Variants in HPSE2 observed in about 807,000 individuals in gnomAD.
HPSE2 encodes the protein inactive heparanase-2.
Under a neutral mutation model 60.5 loss-of-function variants are expected in HPSE2, and 38 were observed. That is an observed-to-expected ratio of 0.63 (90% confidence interval 0.48 to 0.82). The LOEUF (loss-of-function observed/expected upper bound fraction) is 0.82. HPSE2 is among the 40% of genes least tolerant of loss of function. The pLI is 0.00. For missense variants in HPSE2, 713 were observed against 740.4 expected, an observed-to-expected ratio of 0.96 and a Z score of 0.43; for synonymous variants, 295 against 293.2, an observed-to-expected ratio of 1.01 and a Z score of -0.06.
chr10:98,528,439 C>T (rs1448579050), intron 9 of HPSE2, among the ~76,000 whole-genome samples: 7 of 152,078 alleles, frequency 4.6e-5, no homozygotes, highest in Middle Eastern at 6.8e-3. Context: ...AGGGCATTTC[C>T]GGAGGCAGAG....
chr10:99,184,817 TATAGAGAGAGAGAGAGAGAGAGAG>T (rs1400658906), intron 2 of HPSE2, among the ~76,000 whole-genome samples: 95 of 17,192 alleles, frequency 5.5e-3, no homozygotes, highest in Admixed American at 0.013. Context: ...TATATATATA[TATAGAGAGAGAGAGAGAGAGAGAG>T]AGAGAGAGAG....
intron 9 of HPSE2, among the ~76,000 whole-genome samples, chr10:98,580,442 CTT>C (rs1225799343): frequency 1.3e-5 from 2 of 151,878 alleles, no homozygotes; most frequent in Non-Finnish European, 2.9e-5. Context: ...TATTTTGTAT[CTT>C]TTTGTTTTTC....
chr10:98,914,905 T>C (rs554509125), intron 3 of HPSE2, among the ~76,000 whole-genome samples: 2 of 151,048 alleles, frequency 1.3e-5, no homozygotes, highest in African/African-American at 4.9e-5. Flanking sequence ...ATGACAAAGA[T>C]CAATTTAAGA....
intron 9 of HPSE2, among the ~76,000 whole-genome samples, chr10:98,547,620 A>T (rs1943728147): frequency 7.8e-6 from 1 of 128,922 alleles, no homozygotes; most frequent in African/African-American, 2.9e-5. Flanking sequence ...ACACATGGAC[A>T]CAGGAAGGGG....
At chr10:98,790,073 G>A (rs1322392932) in intron 3 of HPSE2, among the ~76,000 whole-genome samples, 3 of 152,064 alleles carry the variant, frequency 2.0e-5, no homozygotes, top group Non-Finnish European at 2.9e-5. Flanking sequence ...GAAAGTCAGA[G>A]AATGATCCAT....
intron 3 of HPSE2, among the ~76,000 whole-genome samples, chr10:98,905,150 A>C (rs1953775227): frequency 6.6e-6 from 1 of 151,956 alleles, no homozygotes; most frequent in South Asian, 2.1e-4. Context: ...GATTACTAAC[A>C]AGTACTTCTT....
chr10:99,281,207 AT>A, the HPSE2 span, among the ~76,000 whole-genome samples: 1 of 149,018 alleles, frequency 6.7e-6, no homozygotes, highest in Non-Finnish European at 1.5e-5. Flanking sequence ...ATTACATCTT[AT>A]TAATTTTAAG....
intron 9 of HPSE2, among the ~76,000 whole-genome samples, chr10:98,498,676 C>G (rs1490744469): frequency 6.6e-6 from 1 of 152,062 alleles, no homozygotes; most frequent in Non-Finnish European, 1.5e-5. Flanking sequence ...AAAAAGAATT[C>G]AGGAGGTTAG....
At chr10:98,518,549 T>C (rs1564934669) in intron 9 of HPSE2, among the ~76,000 whole-genome samples, 2 of 150,828 alleles carry the variant, frequency 1.3e-5, no homozygotes, top group South Asian at 2.1e-4. Context: ...CTACTAAAAA[T>C]GAAAAAAAAT....
intron 3 of HPSE2, among the ~76,000 whole-genome samples, chr10:98,827,767 A>C (rs1228943764): frequency 6.6e-6 from 1 of 152,240 alleles, no homozygotes; most frequent in Non-Finnish European, 1.5e-5. Flanking sequence ...GGTGTCACCA[A>C]GGCACATATC....
At chr10:98,958,437 T>A (rs1024889607) in intron 3 of HPSE2, among the ~76,000 whole-genome samples, 1 of 152,206 alleles carries the variant, frequency 6.6e-6, no homozygotes, top group Admixed American at 6.6e-5. Context: ...AAAGTTGAAC[T>A]TTGATTAAAT....
chr10:98,915,267 C>T (rs1336917769), intron 3 of HPSE2, among the ~76,000 whole-genome samples: 1 of 151,542 alleles, frequency 6.6e-6, no homozygotes, highest in African/African-American at 2.4e-5. Context: ...CCTGCCTCAG[C>T]GTCCCGAGTA....
Position 98,496,970 on chromosome 10 carries a change from T to C in HPSE2, c.1321-6774A>G, listed in dbSNP as rs1461687452. ...TTAATTCTTAGTAAGTCCTTCCTCA[T>C]ATAAGGATTAGATACATCTTCACTT... is the stretch of plus-strand genomic sequence containing the variant. On this transcript the variant is annotated intron_variant, in intron 9 of 11. Transcript: ENST00000370552. Among the ~76,000 whole-genome samples, 4 of 152,136 alleles carry C rather than the reference T, an allele frequency of 2.6e-5. No individual in the cohort carries two copies. In the East Asian group the frequency reaches 5.8e-4, roughly 22 times the overall value.
intron 3 of HPSE2, among the ~76,000 whole-genome samples, chr10:98,780,980 G>C (rs1013558705): frequency 1.3e-5 from 2 of 151,982 alleles, no homozygotes; most frequent in African/African-American, 4.8e-5. Context: ...CCACTTCCAG[G>C]CCAAGAAACT....
chr10:98,944,132 A>C (rs1291665825), intron 3 of HPSE2, among the ~76,000 whole-genome samples: 2 of 152,212 alleles, frequency 1.3e-5, no homozygotes, highest in African/African-American at 4.8e-5. Context: ...TAAGAACAAG[A>C]AGGCAGATCA....
chr10:99,034,388 T>G (rs1447024013), intron 3 of HPSE2, among the ~76,000 whole-genome samples: 1 of 152,048 alleles, frequency 6.6e-6, no homozygotes, highest in African/African-American at 2.4e-5. Flanking sequence ...ATGAGGAAAT[T>G]TAGTGAATAA....
At chr10:98,804,733 GA>G (rs1951001767) in intron 3 of HPSE2, among the ~76,000 whole-genome samples, 2 of 152,072 alleles carry the variant, frequency 1.3e-5, no homozygotes, top group Non-Finnish European at 2.9e-5. Flanking sequence ...AGGTTCCTCA[GA>G]AAACTAAAAA....
intron 2 of HPSE2, among the ~76,000 whole-genome samples, chr10:99,145,764 C>A (rs770986514): frequency 5.3e-5 from 8 of 152,106 alleles, no homozygotes; most frequent in Non-Finnish European, 1.0e-4. Context: ...TATTCAGTGA[C>A]ACTTAAGAGA....
At chr10:98,775,230 T>C (rs926793792) in intron 3 of HPSE2, among the ~76,000 whole-genome samples, 2 of 152,228 alleles carry the variant, frequency 1.3e-5, no homozygotes, top group African/African-American at 4.8e-5. Flanking sequence ...GAAACACACA[T>C]GTGCACATGC....
Sources: allele counts gnomAD v4.1 joint callset (sites outside exome capture counted in the v4.1 genomes callset), GRCh38; gene constraint gnomAD v4.1.1; transcripts MANE v1.5; gene names NCBI Gene and HGNC (gene_info 2026-07-23, HGNC 2026-07-21).